SDK1: variants seen among roughly 807,000 people sequenced by gnomAD.
SDK1 encodes the protein sidekick cell adhesion molecule 1.
A neutral mutation model predicts 245.5 loss-of-function variants in SDK1; 157 were observed. That is an observed-to-expected ratio of 0.64 (90% CI 0.56 to 0.73). SDK1 has a LOEUF of 0.73. SDK1 is among the 30% of genes least tolerant of loss of function. The pLI is 0.00. For missense variants in SDK1, 3,583 were observed against 3,002.3 expected (o/e 1.19, Z -4.52); for synonymous variants, 1,647 against 1,278.5 (o/e 1.29, Z -6.15).
chr7:4,138,101 G>C (rs1268492592), intron 28 of SDK1, among the ~76,000 whole-genome samples: 1 of 152,196 alleles, frequency 6.6e-6, no homozygotes, highest in African/African-American at 2.4e-5. Flanking sequence ...ACAGGCCAAG[G>C]AGTTTTCTTC....
Position 3,948,383 on chromosome 7 carries a change from G to A in SDK1, c.848-2540G>A, listed in dbSNP as rs541897680. On this transcript the variant is annotated intron_variant, in intron 5 of 44. Transcript: ENST00000404826. ...AGCGATTCTCCTGCCTCAGTCTCCC[G>A]AGTAGCTGGGACTACAAGCATGTGC... Among the ~76,000 whole-genome samples the A allele has an allele frequency of 3.4e-5, 5 of 148,480 alleles. No homozygotes were observed. The South Asian group carries it at 1.1e-3, about 32-fold the overall frequency.
Position 4,129,510 on chromosome 7 carries a change from G to A in SDK1, c.3940-398G>A, listed in dbSNP as rs568817525. Among the ~76,000 whole-genome samples, 113 of 152,256 alleles carry A rather than the reference G, an allele frequency of 7.4e-4. 1 individual carries two copies. Among genetic ancestry groups the A allele is most frequent in the African/African-American group, 2.6e-3 (109 of 41,542 alleles). On this transcript the variant is annotated intron_variant, in intron 26 of 44. Transcript: ENST00000404826. ...TGAGGACAGCAGGTCTTCTGGGGCA[G>A]GAAACCAGCTTCCATGGCTGGAAAA...
intron 5 of SDK1, among the ~76,000 whole-genome samples, chr7:3,916,575 A>C (rs1779388748): frequency 6.6e-6 from 1 of 152,212 alleles, no homozygotes; most frequent in Admixed American, 6.5e-5. Flanking sequence ...ATTCTTAGGT[A>C]AGATTTAACA....
intron 22 of SDK1, among the ~76,000 whole-genome samples, chr7:4,103,070 G>A (rs1033525929): frequency 1.4e-5 from 2 of 146,438 alleles, no homozygotes; most frequent in South Asian, 2.2e-4. Context: ...GTGCGATCTC[G>A]GCTCACTGCA....
chr7:3,778,913 G>T (rs980225348), intron 4 of SDK1, among the ~76,000 whole-genome samples: 1 of 152,126 alleles, frequency 6.6e-6, no homozygotes, highest in African/African-American at 2.4e-5. Context: ...TACCTAAATG[G>T]TTTCAGACTA....
chr7:3,344,655 G>A (rs954395957), intron 1 of SDK1, among the ~76,000 whole-genome samples: 3 of 146,766 alleles, frequency 2.0e-5, no homozygotes, highest in African/African-American at 2.4e-5. Context: ...GGTGGATATC[G>A]TGTTCTTCTT....
intron 1 of SDK1, among the ~76,000 whole-genome samples, chr7:3,390,966 T>C (rs1781734610): frequency 6.6e-6 from 1 of 152,134 alleles, no homozygotes; most frequent in African/African-American, 2.4e-5. Flanking sequence ...CAACAGAAAA[T>C]GTCACTCTTC....
chr7:3,891,091 G>A (rs180792045), intron 5 of SDK1, among the ~76,000 whole-genome samples: 3 of 152,210 alleles, frequency 2.0e-5, no homozygotes, highest in East Asian at 1.9e-4. Context: ...TTCAAGCACC[G>A]GAATAGAACT....
intron 5 of SDK1, among the ~76,000 whole-genome samples, chr7:3,931,840 T>G (rs550070499): frequency 6.6e-6 from 1 of 152,334 alleles, no homozygotes; most frequent in South Asian, 2.1e-4. Flanking sequence ...GCTCTCCTAT[T>G]AGAAGCTTTG....
intron 4 of SDK1, among the ~76,000 whole-genome samples, chr7:3,687,974 G>A (rs1375264754): frequency 1.3e-5 from 2 of 152,110 alleles, no homozygotes; most frequent in African/African-American, 2.4e-5. Context: ...GAGAAACATG[G>A]CACCCTCAAA....
At chr7:3,757,191 A>G (rs916193540) in intron 4 of SDK1, among the ~76,000 whole-genome samples, 1 of 152,106 alleles carries the variant, frequency 6.6e-6, no homozygotes, top group African/African-American at 2.4e-5. Context: ...TACATCTGAC[A>G]GACTTTGAAT....
intron 4 of SDK1, among the ~76,000 whole-genome samples, chr7:3,728,044 A>G (rs1323319055): frequency 1.3e-5 from 2 of 152,136 alleles, no homozygotes; most frequent in African/African-American, 4.8e-5. Flanking sequence ...TATGTTCTTC[A>G]GTTGGATGTT....
intron 1 of SDK1, among the ~76,000 whole-genome samples, chr7:3,329,799 A>G (rs1212488460): frequency 6.6e-6 from 1 of 152,194 alleles, no homozygotes; most frequent in African/African-American, 2.4e-5. Flanking sequence ...ATGCACACTT[A>G]TTTTTGTCAT....
intron 5 of SDK1, among the ~76,000 whole-genome samples, chr7:3,892,328 T>C (rs1562517027): frequency 6.6e-6 from 1 of 152,222 alleles, no homozygotes; most frequent in Non-Finnish European, 1.5e-5. Context: ...GGCTGTGTTC[T>C]CCACGTCTCC....
intron 5 of SDK1, among the ~76,000 whole-genome samples, chr7:3,851,867 A>G (rs1458169655): frequency 2.0e-5 from 3 of 152,260 alleles, no homozygotes; most frequent in African/African-American, 2.4e-5. Flanking sequence ...AATATGATCT[A>G]TAAATAAAAT....
chr7:4,053,937 TTTG>T (rs980108928), intron 19 of SDK1, among the ~76,000 whole-genome samples: 194 of 152,192 alleles, frequency 1.3e-3, no homozygotes, highest in African/African-American at 4.5e-3. Flanking sequence ...GGTGGTTTTT[TTTG>T]TTGTTGTTGT....
Position 4,265,315 on chromosome 7 carries a change from G to A in SDK1, c.6573G>A (p.Ala2191=), listed in dbSNP as rs749384357. The change falls in exon 45 of 45, where the codon GCG becomes GCA. Residue 2191 remains alanine (A), a synonymous_variant. Transcript: ENST00000404826. ...ACCCGGTCATCACCACGCAGAGCGC[G>A]GGCGGCGTCTACACCCCCGCTGGCC... ...QLHPVITTQS[A]GGVYTPAGPG... 1.6e-5 allele frequency: 25 copies of A among 1,548,454 alleles called. No individual in the cohort carries two copies. The highest frequency in any genetic ancestry group is 2.1e-5 in the Non-Finnish European group (24 of 1,156,694).
intron 5 of SDK1, among the ~76,000 whole-genome samples, chr7:3,828,090 T>G (rs41874): frequency 2.6e-5 from 4 of 152,096 alleles, no homozygotes; most frequent in Non-Finnish European, 5.9e-5. Context: ...CCAGCCTAAC[T>G]AATATGGAAA....
chr7:3,341,463 T>TA (rs1780346427), intron 1 of SDK1, among the ~76,000 whole-genome samples: 1 of 152,144 alleles, frequency 6.6e-6, no homozygotes, highest in Admixed American at 6.5e-5. Flanking sequence ...TGTTCAGTCT[T>TA]ACCTTTGCTG....
Sources: gnomAD v4.1 joint callset for allele counts (sites outside exome capture counted in the v4.1 genomes callset) on GRCh38, gnomAD v4.1.1 for gene constraint, MANE v1.5 for transcripts, NCBI Gene and HGNC (gene_info 2026-07-23, HGNC 2026-07-21) for gene names.